Variants in SMCHD1 observed in about 807,000 individuals in gnomAD.
SMCHD1 encodes structural maintenance of chromosomes flexible hinge domain containing 1.
In SMCHD1, 78 loss-of-function variants were observed where a neutral mutation model predicts 254.7. The observed-to-expected ratio is 0.31, with a 90% confidence interval of 0.26 to 0.37. The LOEUF is 0.37. Ranked by LOEUF, SMCHD1 falls within the 10% of genes least tolerant of loss-of-function variation. The pLI, the probability that SMCHD1 is intolerant of heterozygous loss-of-function variation, is 1.00. For synonymous variants in SMCHD1, 766 were observed against 794.9 expected, an observed-to-expected ratio of 0.96 and a Z score of 0.61; for missense variants, 1,840 against 2,408.1, an observed-to-expected ratio of 0.76 and a Z score of 4.94.
chr18:2,681,778 G>A (rs185550889), intron 5 of SMCHD1, among the ~76,000 whole-genome samples: 169 of 152,158 alleles, frequency 1.1e-3, no homozygotes, highest in Non-Finnish European at 8.8e-5. Context: ...TCAGGTATGT[G>A]TTGGGTCAGC....
chr18:2,688,304 T>C, intron 5 of SMCHD1, 90 bp from the exon 6 acceptor site: 1 of 902,264 alleles, frequency 1.1e-6, no homozygotes, highest in Non-Finnish European at 1.8e-6. Context: ...GGCGTGATCA[T>C]TTTATTAACA....
Position 2,769,659 on chromosome 18 carries a change from T to C in SMCHD1, c.4720-35T>C, listed in dbSNP as rs976043556. 1.9e-6 allele frequency: 3 copies of C among 1,561,630 alleles called. No individual in the cohort carries two copies. In the Admixed American group the frequency reaches 6.0e-5, roughly 31 times the overall value. ...ATATGTTGTAAATTTTCTTTTTAAA[T>C]CTTGTTTTCCCCTATTGTTTGTTTA... On this transcript the variant is annotated intron_variant, in intron 37 of 47. Coordinates refer to ENST00000320876, the MANE Select transcript of SMCHD1 (RefSeq NM_015295.3).
At chr18:2,688,841 G>T in intron 7 of SMCHD1, 94 bp downstream of exon 7, 2 of 786,234 alleles carry the variant, frequency 2.5e-6, no homozygotes, top group South Asian at 6.2e-5. Context: ...TTCAAAATGA[G>T]TTACCCTTTC....
chr18:2,693,627 TTTG>T (rs2074227757), intron 7 of SMCHD1, among the ~76,000 whole-genome samples: 1 of 123,252 alleles, frequency 8.1e-6, no homozygotes, highest in African/African-American at 5.1e-5. Context: ...ATGTTTTTTG[TTTG>T]TTTGTTTGTT....
chr18:2,707,449 A>G, intron 15 of SMCHD1, 114 bp from the exon 16 acceptor site: 1 of 576,336 alleles, frequency 1.7e-6, no homozygotes. Context: ...TCCAGATTTA[A>G]CCTTTTAAAA....
At chr18:2,723,805 A>G (rs1050550197) in intron 20 of SMCHD1, among the ~76,000 whole-genome samples, 2 of 152,098 alleles carry the variant, frequency 1.3e-5, no homozygotes, top group African/African-American at 4.8e-5. Context: ...TAAACTTTTC[A>G]TCAGTCTTTT....
At chr18:2,671,281 A>C (rs2073591731) in intron 3 of SMCHD1, among the ~76,000 whole-genome samples, 1 of 152,142 alleles carries the variant, frequency 6.6e-6, no homozygotes, top group African/African-American at 2.4e-5. Context: ...CTAAGTGTAT[A>C]ATTATAGAGT....
chr18:2,688,176 A>G (rs1001425614), intron 5 of SMCHD1, among the ~76,000 whole-genome samples: 10 of 152,216 alleles, frequency 6.6e-5, no homozygotes, highest in Non-Finnish European at 2.9e-5. Context: ...AAGAGTTTGC[A>G]TTTCTTAAAA....
chr18:2,711,761 C>T (rs1048439118), intron 17 of SMCHD1, among the ~76,000 whole-genome samples: 54 of 152,118 alleles, frequency 3.5e-4, no homozygotes, highest in African/African-American at 1.2e-3. Context: ...GGATTACAGG[C>T]GTGAGCCACC....
chr18:2,802,049 A>G (rs897484417), intron 47 of SMCHD1, among the ~76,000 whole-genome samples: 23 of 152,138 alleles, frequency 1.5e-4, no homozygotes, highest in African/African-American at 5.1e-4. Context: ...AAATATTTAC[A>G]TATACCTGAA....
chr18:2,755,211 C>T (rs904769350), intron 34 of SMCHD1, among the ~76,000 whole-genome samples: 20 of 152,066 alleles, frequency 1.3e-4, no homozygotes, highest in Admixed American at 1.1e-3. Flanking sequence ...CACAGCACTA[C>T]GCCTGACTTA....
chr18:2,783,855 G>C (rs1239281176), intron 44 of SMCHD1, among the ~76,000 whole-genome samples: 1 of 152,116 alleles, frequency 6.6e-6, no homozygotes, highest in African/African-American at 2.4e-5. Context: ...ACAGGTGTGA[G>C]CCACCACACC....
chr18:2,720,259 T>C (rs1598363541), intron 19 of SMCHD1, among the ~76,000 whole-genome samples: 2 of 152,222 alleles, frequency 1.3e-5, no homozygotes, highest in South Asian at 4.1e-4. Flanking sequence ...AACAGCTTGA[T>C]GTTCTATGCT....
rs1192323543 is a variant in SMCHD1 at position 2,706,395 on chromosome 18, CTG to C, written c.1991_1992del (p.Val664AlafsTer7). ...CAGGCACTATATGATGAAGTAAGAA[CTG>C]TGCCAATTGCAAAGCTGGATAGGAC... On this transcript the variant is annotated frameshift_variant, in exon 15 of 48. Transcript: ENST00000320876. LOFTEE classifies it high-confidence loss of function. 1 of 1,589,856 alleles carries C rather than the reference CTG, an allele frequency of 6.3e-7. No homozygotes were observed. The highest frequency in any genetic ancestry group is 1.3e-5 in the African/African-American group (1 of 74,444).
intron 34 of SMCHD1, among the ~76,000 whole-genome samples, chr18:2,759,670 A>G (rs1407583022): frequency 1.4e-5 from 2 of 144,706 alleles, no homozygotes; most frequent in African/African-American, 5.1e-5. Flanking sequence ...TCCGGGTTCA[A>G]GCGATTCTCC....
chr18:2,780,240 A>C (rs1223591450), intron 44 of SMCHD1, among the ~76,000 whole-genome samples: 101 of 2,326 alleles, frequency 0.043, no homozygotes, highest in Non-Finnish European at 0.11. Context: ...ACTCTATCTA[A>C]AAAAAAAAAA....
At chr18:2,692,146 A>C (rs754486598) in intron 7 of SMCHD1, among the ~76,000 whole-genome samples, 3 of 152,254 alleles carry the variant, frequency 2.0e-5, no homozygotes, top group Admixed American at 2.0e-4. Flanking sequence ...AAAAGGTGGT[A>C]GGAATGGGTG....
At chr18:2,657,502 T>C (rs1421178721) in intron 1 of SMCHD1, among the ~76,000 whole-genome samples, 1 of 152,204 alleles carries the variant, frequency 6.6e-6, no homozygotes, top group Non-Finnish European at 1.5e-5. Context: ...TTTATTGTGT[T>C]TATAGTAAAA....
chr18:2,745,743 G>C (rs950605311), intron 29 of SMCHD1, among the ~76,000 whole-genome samples: 2 of 152,086 alleles, frequency 1.3e-5, no homozygotes, highest in Admixed American at 1.3e-4. Flanking sequence ...ATGACAGCTT[G>C]TTAGCTCAAA....
Sources: allele counts gnomAD v4.1 joint callset (sites outside exome capture counted in the v4.1 genomes callset), GRCh38; gene constraint gnomAD v4.1.1; transcripts MANE v1.5; gene names NCBI Gene and HGNC (gene_info 2026-07-23, HGNC 2026-07-21).